The following CACNA1C variants were observed in gnomAD, a reference collection of about 807,000 sequenced individuals.
CACNA1C encodes the protein calcium voltage-gated channel subunit alpha1 C.
In CACNA1C, 30 loss-of-function variants were observed where a neutral mutation model predicts 229.0. That is an observed-to-expected ratio of 0.13 (90% confidence interval 0.10 to 0.18). The LOEUF is 0.18. Among genes scored for constraint, CACNA1C ranks in the 10% least tolerant of loss-of-function variants. The probability of loss-of-function intolerance (pLI) is 1.00; values close to 1 mark genes in which losing one functional copy is unlikely to be tolerated. For missense variants in CACNA1C, 1,658 were observed against 2,845.0 expected (o/e 0.58, Z 9.49); for synonymous variants, 1,114 against 1,132.5 (o/e 0.98, Z 0.33).
chr12:2,227,322 A>C (rs1424957009), intron 3 of CACNA1C, among the ~76,000 whole-genome samples: 1 of 152,186 alleles, frequency 6.6e-6, no homozygotes, highest in East Asian at 1.9e-4. Context: ...AGTTTCCCAG[A>C]CAGACACTTC....
At chr12:2,176,351 C>T (rs2154271018) in intron 3 of CACNA1C, among the ~76,000 whole-genome samples, 1 of 152,180 alleles carries the variant, frequency 6.6e-6, no homozygotes, top group Non-Finnish European at 1.5e-5. Context: ...GTCTTAGAAA[C>T]CATTTTCAGG....
intron 3 of CACNA1C, among the ~76,000 whole-genome samples, chr12:2,372,399 G>A (rs762806139): frequency 3.9e-5 from 6 of 152,116 alleles, no homozygotes; most frequent in African/African-American, 1.2e-4. Flanking sequence ...TTGCCATGAC[G>A]CTGGGGAGAA....
chr12:2,469,957 TA>T (rs530186735), intron 5 of CACNA1C, among the ~76,000 whole-genome samples: 2 of 151,944 alleles, frequency 1.3e-5, no homozygotes, highest in Admixed American at 6.6e-5. Flanking sequence ...TTTCCAGAAA[TA>T]AAAAAAAGCT....
At chr12:2,472,997 G>A (rs555198519) in intron 5 of CACNA1C, among the ~76,000 whole-genome samples, 1 of 152,294 alleles carries the variant, frequency 6.6e-6, no homozygotes, top group Admixed American at 6.5e-5. Context: ...TCTAGAGTGG[G>A]TCTCACTGTA....
chr12:2,519,292 G>A (rs909782993), intron 9 of CACNA1C, among the ~76,000 whole-genome samples: 2 of 152,168 alleles, frequency 1.3e-5, no homozygotes, highest in African/African-American at 2.4e-5. Flanking sequence ...TGAGTCACAC[G>A]AACACACGCA....
intron 1 of CACNA1C, among the ~76,000 whole-genome samples, chr12:1,978,186 A>G (rs1449764571): frequency 6.6e-6 from 1 of 152,234 alleles, no homozygotes; most frequent in Non-Finnish European, 1.5e-5. Flanking sequence ...GAAAGGGGGC[A>G]TAGCCTTCTC....
At chr12:2,599,313 C>T (rs2070596291) in intron 21 of CACNA1C, among the ~76,000 whole-genome samples, 1 of 152,180 alleles carries the variant, frequency 6.6e-6, no homozygotes, top group South Asian at 2.1e-4. Flanking sequence ...CGGCCTAAGG[C>T]CCGGTGTCAT....
In CACNA1C at chr12:2,106,495, G is replaced by A. The variant is rs2078692046; in HGVS notation, c.50-8729G>A. On this transcript the variant is annotated intron_variant, in intron 1 of 46. Coordinates refer to ENST00000399655, the MANE Select transcript of CACNA1C (RefSeq NM_000719.7). ...GCCACTGGGAGCCCACCCCGGGGAG[G>A]GTTTCCACCTCAGCTGGGTGTCCTG... Among the ~76,000 whole-genome samples the A allele has an allele frequency of 1.8e-5, 2 of 109,178 alleles. 1 individual carries two copies. Among genetic ancestry groups the A allele is most frequent in the African/African-American group, 7.0e-5 (2 of 28,394 alleles). The allele number at this position is 109,178 out of a possible 152,430, so 71.6% of individuals were successfully genotyped here.
chr12:2,687,412 C>T (rs1185600585), intron 45 of CACNA1C, among the ~76,000 whole-genome samples: 1 of 152,214 alleles, frequency 6.6e-6, no homozygotes, highest in Non-Finnish European at 1.5e-5. Flanking sequence ...GGGAGCACAT[C>T]CCATCAGAGC....
intron 3 of CACNA1C, among the ~76,000 whole-genome samples, chr12:2,144,871 A>C (rs969274769): frequency 1.3e-5 from 2 of 151,258 alleles, no homozygotes; most frequent in African/African-American, 4.8e-5. Flanking sequence ...ACAAATCTTC[A>C]TGGGGAGTAG....
At chr12:2,565,473 CAGA>C (rs543590763) in intron 11 of CACNA1C, among the ~76,000 whole-genome samples, 2 of 33,470 alleles carry the variant, frequency 6.0e-5, no homozygotes, top group East Asian at 1.2e-3. Flanking sequence ...GACTCCGTCT[CAGA>C]AAAAAAAAAA....
At chr12:2,056,178 C>T (rs1210613855) in intron 1 of CACNA1C, among the ~76,000 whole-genome samples, 2 of 145,900 alleles carry the variant, frequency 1.4e-5, no homozygotes, top group East Asian at 2.0e-4. Context: ...GGAGTGTGTG[C>T]ATGTGTGAGT....
At chr12:2,441,193 A>C (rs56287959) in intron 3 of CACNA1C, among the ~76,000 whole-genome samples, 27,418 of 152,094 alleles carry the variant, frequency 0.18, 2,722 homozygotes, top group Middle Eastern at 0.23. Flanking sequence ...CATTTACATA[A>C]ATCTAGGTGG....
At chr12:2,459,123 C>T (rs1401794574) in intron 5 of CACNA1C, among the ~76,000 whole-genome samples, 1 of 150,494 alleles carries the variant, frequency 6.6e-6, no homozygotes, top group Non-Finnish European at 1.5e-5. Flanking sequence ...CCTGGGACTA[C>T]AGGTGCTTGC....
intron 1 of CACNA1C, among the ~76,000 whole-genome samples, chr12:2,103,036 A>G (rs893797657): frequency 6.6e-6 from 1 of 152,254 alleles, no homozygotes; most frequent in Admixed American, 6.5e-5. Flanking sequence ...ACGGTGCCGC[A>G]GTAAACATAT....
chr12:2,383,242 G>A (rs1297914730), intron 3 of CACNA1C, among the ~76,000 whole-genome samples: 9 of 152,200 alleles, frequency 5.9e-5, no homozygotes, highest in Non-Finnish European at 1.2e-4. Flanking sequence ...GGAAAAGAAG[G>A]GTGGGTGGGA....
At chr12:2,492,635 T>C (rs1162254145) in intron 6 of CACNA1C, among the ~76,000 whole-genome samples, 1 of 152,276 alleles carries the variant, frequency 6.6e-6, no homozygotes, top group Non-Finnish European at 1.5e-5. Context: ...TCCCTGGCAA[T>C]GTATCCTCTA....
chr12:2,466,507 A>G (rs2099551708), intron 5 of CACNA1C, among the ~76,000 whole-genome samples: 2 of 152,236 alleles, frequency 1.3e-5, no homozygotes, highest in African/African-American at 4.8e-5. Context: ...GTCCCAGAGA[A>G]GATCCCAGAG....
intron 9 of CACNA1C, among the ~76,000 whole-genome samples, chr12:2,531,584 C>T (rs1448853427): frequency 1.3e-5 from 2 of 152,202 alleles, no homozygotes; most frequent in African/African-American, 4.8e-5. Context: ...GGAGAGGATG[C>T]CCTCATTTTG....
Sources: gnomAD v4.1 joint callset for allele counts (sites outside exome capture counted in the v4.1 genomes callset) on GRCh38, gnomAD v4.1.1 for gene constraint, MANE v1.5 for transcripts, NCBI Gene and HGNC (gene_info 2026-07-23, HGNC 2026-07-21) for gene names.